The following HPS5 variants were observed in gnomAD, a reference collection of about 807,000 sequenced individuals.
The protein encoded by HPS5 is BLOC-2 complex member HPS5.
HPS5 carries 83 observed loss-of-function variants against 128.0 expected under a neutral mutation model. The ratio of observed to expected loss-of-function variants is 0.65; its 90% CI spans 0.54 to 0.78. HPS5 has a LOEUF of 0.78. Ranked by LOEUF, HPS5 falls within the 30% of genes least tolerant of loss-of-function variation. The probability of loss-of-function intolerance (pLI) is 0.00; values close to 1 mark genes in which losing one functional copy is unlikely to be tolerated. For missense variants in HPS5, 1,281 were observed against 1,326.2 expected, an observed-to-expected ratio of 0.97 and a Z score of 0.53; for synonymous variants, 475 against 470.2, an observed-to-expected ratio of 1.01 and a Z score of -0.13.
rs201951687 is a variant in HPS5 at position 18,296,064 on chromosome 11, C to T, written c.1569G>A (p.Pro523=). The T allele has an allele frequency of 1.4e-5, 22 of 1,612,988 alleles. No homozygotes were observed. Among genetic ancestry groups the T allele is most frequent in the East Asian group, 2.2e-5 (1 of 44,870 alleles). ...FETDKNETFL[P]FGIPLPFRSP... is the part of the protein sequence containing the mutation. ...AACGAAATGGTAATGGAATGCCGAA[C>T]GGGAGAAAAGTTTCATTCTTATCTG... Residue 523 remains proline (P), a synonymous_variant, in exon 13 of 23, where the codon CCG becomes CCA. Coordinates refer to ENST00000349215, the MANE Select transcript of HPS5 (RefSeq NM_181507.2).
chr11:18,317,147 T>C (rs984550929), intron 2 of HPS5, among the ~76,000 whole-genome samples: 4 of 147,308 alleles, frequency 2.7e-5, no homozygotes, highest in Non-Finnish European at 4.4e-5. Context: ...TGAGCTGAGA[T>C]CACACCACTG....
Position 18,285,288 on chromosome 11 carries a change from A to C in HPS5, c.2951+58T>G, listed in dbSNP as rs112090610. ...TATTAATTCAGACCCTTAACTATAA[A>C]GTTGTTAACTGAAATGTTTCTAACC... On this transcript the variant is annotated intron_variant, in intron 20 of 22. Coordinates refer to ENST00000349215, the MANE Select transcript of HPS5 (RefSeq NM_181507.2). 224 of 1,047,702 alleles carry C rather than the reference A, an allele frequency of 2.1e-4. No homozygotes were observed. In the African/African-American group the frequency reaches 3.1e-3, roughly 14 times the overall value. 64.9% of individuals were successfully genotyped at this position (1,047,702 alleles called of 1,614,324 possible).
chr11:18,291,867 T>A lies in HPS5; in HGVS notation c.2015A>T (p.Asp672Val). The A allele has an allele frequency of 1.9e-6, 3 of 1,607,876 alleles. No individual in the cohort carries two copies. The highest frequency in any genetic ancestry group is 2.5e-6 in the Non-Finnish European group (3 of 1,176,920). Residue 672 changes from aspartate to valine, a missense_variant, in exon 16 of 23, where the codon GAT (aspartate) becomes GTT (valine). Coordinates refer to ENST00000349215, the MANE Select transcript of HPS5 (RefSeq NM_181507.2). ...TTTTGATTCATTAACTAATAGCACA[T>A]CCTGGTTCAATTTCATGGATGAGTT... Reference protein sequence around the residue: ...TDNSSMKLNQDVLLVNESKKG... With the variant: ...TDNSSMKLNQVVLLVNESKKG...
chr11:18,314,677 C>T (rs73432734), intron 2 of HPS5, among the ~76,000 whole-genome samples: 2,958 of 152,112 alleles, frequency 0.019, 103 homozygotes, highest in African/African-American at 0.068. Context: ...ATATTATTTT[C>T]GCCTTTGTCT....
At chr11:18,286,559 A>G in intron 19 of HPS5, 32 bp downstream of exon 19, 2 of 1,609,262 alleles carry the variant, frequency 1.2e-6, no homozygotes, top group Non-Finnish European at 1.7e-6. Flanking sequence ...AAAAGTAAAG[A>G]AAAAAACAAA....
At chr11:18,286,923 G>T in intron 18 of HPS5, 1 of 627,156 alleles carries the variant, frequency 1.6e-6, no homozygotes, top group African/African-American at 1.8e-5. Flanking sequence ...AAAAAAAAAG[G>T]GAGAGAAAGA....
chr11:18,295,298 T>C (rs1423425099), intron 13 of HPS5, 129 bp from the exon 14 acceptor site: 2 of 738,046 alleles, frequency 2.7e-6, no homozygotes, highest in African/African-American at 1.8e-5. Flanking sequence ...AGACTGTTTA[T>C]AGCAACTTCT....
rs548091052 is a variant in HPS5, at chr11:18,281,421, G to A, written c.3329+529C>T. The stretch of plus-strand genomic sequence containing the variant: ...GTACCAGTAATTTTTTTGTTTTTGA[G>A]ATGGAGTCTCGCTCTGTCACCAGGC... On this transcript the variant is annotated intron_variant, in intron 22 of 22. Coordinates refer to ENST00000349215, the MANE Select transcript of HPS5 (RefSeq NM_181507.2). 3.3e-5 allele frequency among the ~76,000 whole-genome samples: 5 copies of A among 150,978 alleles called. No homozygotes were observed. The East Asian group carries it at 5.9e-4, about 18-fold the overall frequency.
At chr11:18,307,729 T>TA (rs1259822971) in intron 6 of HPS5, among the ~76,000 whole-genome samples, 68 of 144,468 alleles carry the variant, frequency 4.7e-4, no homozygotes, top group South Asian at 6.5e-4. Flanking sequence ...GTCTCAGCTT[T>TA]AAAAAAAAAA....
rs570723980 is a variant in HPS5, at chr11:18,311,801, G to A, written c.219+113C>T. ...GCTGGGATTACAGGCGTGAGACACCGCACCAAGCCAAGTTCTACATTCTTT... is the reference window on the plus strand; with the variant it reads ...GCTGGGATTACAGGCGTGAGACACCACACCAAGCCAAGTTCTACATTCTTT... On this transcript the variant is annotated intron_variant, in intron 3 of 22. Coordinates refer to ENST00000349215, the MANE Select transcript of HPS5 (RefSeq NM_181507.2). 6.4e-5 allele frequency: 56 copies of A among 876,000 alleles called. 1 individual carries two copies. Among genetic ancestry groups the A allele is most frequent in the East Asian group, 2.0e-4 (8 of 39,756 alleles). The allele number at this position is 876,000 out of a possible 1,614,324, so 54.3% of individuals were successfully genotyped here.
chr11:18,310,852 TTTG>T lies in HPS5; in HGVS notation c.363_365del (p.His121_Lys122delinsGln), dbSNP rs1201267789. ...AGCAGAGAGCTGTGACTCTTCGGCC[TTTG>T]TGTTCTGAAGACACATACATTTGTT... On this transcript the variant is annotated inframe_deletion, in exon 5 of 23. Transcript: ENST00000349215. 6.2e-7 allele frequency: 1 copy of T among 1,611,268 alleles called. No homozygotes were observed. The highest frequency in any genetic ancestry group is 8.5e-7 in the Non-Finnish European group (1 of 1,178,894).
rs10531816 is a variant in HPS5 at position 18,319,255 on chromosome 11, C to CCACACACACA, written c.-49-1358_-49-1349dup. Among the ~76,000 whole-genome samples, 1,125 of 139,190 alleles carry CCACACACACA rather than the reference C, an allele frequency of 8.1e-3. 15 individuals carry two copies. The highest frequency in any genetic ancestry group is 0.024 in the African/African-American group (889 of 36,708). The allele number at this position is 139,190 out of a possible 152,430, so 91.3% of individuals were successfully genotyped here. On this transcript the variant is annotated intron_variant, in intron 1 of 22. Transcript: ENST00000349215. Reference sequence around the variant, plus strand: ...TATAATACGGAGGAAAAGACAAATACCACACACACACACACACACACACAC... The same window carrying CCACACACACA: ...TATAATACGGAGGAAAAGACAAATACCACACACACACACACACACACACACACACACACAC...
At chr11:18,321,596 T>C (rs1352126137) in intron 1 of HPS5, among the ~76,000 whole-genome samples, 1 of 152,226 alleles carries the variant, frequency 6.6e-6, no homozygotes, top group Admixed American at 6.5e-5. Context: ...CGTAAAATAG[T>C]TCAGTGTTTG....
At chr11:18,282,672 G>A (rs1426359733) in intron 21 of HPS5, among the ~76,000 whole-genome samples, 2 of 152,140 alleles carry the variant, frequency 1.3e-5, no homozygotes, top group Non-Finnish European at 2.9e-5. Flanking sequence ...CTGTACTCTT[G>A]TGGAGCCTAC....
intron 20 of HPS5, among the ~76,000 whole-genome samples, chr11:18,284,643 G>A (rs1859452656): frequency 6.6e-6 from 1 of 152,096 alleles, no homozygotes; most frequent in Non-Finnish European, 1.5e-5. Flanking sequence ...CCCACCACCT[G>A]GCCAGACTCA....
At chr11:18,317,403 G>A (rs538747034) in intron 2 of HPS5, among the ~76,000 whole-genome samples, 2 of 151,764 alleles carry the variant, frequency 1.3e-5, no homozygotes, top group African/African-American at 2.4e-5. Context: ...TTACAGGCGC[G>A]TGCCACCTTG....
chr11:18,311,511 A>ATTTTTTTTTTTTTTTTT, intron 3 of HPS5, 60 bp from the exon 4 acceptor site: 1 of 530,694 alleles, frequency 1.9e-6, no homozygotes, highest in Non-Finnish European at 2.9e-6. Flanking sequence ...TATTATTATT[A>ATTTTTTTTTTTTTTTTT]TTTTTTTTTT....
At chr11:18,320,339 G>C (rs1376207233) in intron 1 of HPS5, among the ~76,000 whole-genome samples, 1 of 152,138 alleles carries the variant, frequency 6.6e-6, no homozygotes, top group East Asian at 1.9e-4. Context: ...AAGATTCATA[G>C]GTAATTCAGT....
In HPS5 at chr11:18,283,871, C is replaced by T. The variant is rs532148021; in HGVS notation, c.2982G>A (p.Leu994=). ...AGGCCTCTCTTCTTCTCTCCAGCTC[C>T]AAACAGAGAATTAGATATCCAGGCC... The part of the protein sequence containing the change: ...GFWPGYLILC[L]ELERRREAFT... The change falls in exon 21 of 23, where the codon TTG becomes TTA. Residue 994 remains leucine, a synonymous_variant. Transcript: ENST00000349215. 12 of 1,612,988 alleles carry T rather than the reference C, an allele frequency of 7.4e-6. No homozygotes were observed. The South Asian group carries it at 9.9e-5, about 13-fold the overall frequency.
Sources: allele counts gnomAD v4.1 joint callset (sites outside exome capture counted in the v4.1 genomes callset), GRCh38; gene constraint gnomAD v4.1.1; transcripts MANE v1.5; gene names NCBI Gene and HGNC (gene_info 2026-07-23, HGNC 2026-07-21).